The following TSPAN18 variants were observed in gnomAD, a reference collection of about 807,000 sequenced individuals.
TSPAN18 encodes the protein tetraspanin-18.
In TSPAN18, 14 loss-of-function variants were observed where a neutral mutation model predicts 27.3. That is an observed-to-expected ratio of 0.51 (90% CI 0.34 to 0.80). The LOEUF is 0.80. Ranked by LOEUF, TSPAN18 falls within the 30% of genes least tolerant of loss-of-function variation. The pLI is 0.01. For synonymous variants in TSPAN18, 143 were observed against 136.5 expected (o/e 1.05, Z -0.33); for missense variants, 268 against 323.9 (o/e 0.83, Z 1.32).
chr11:44,913,659 G>A (rs913292194), intron 5 of TSPAN18, among the ~76,000 whole-genome samples: 2 of 152,240 alleles, frequency 1.3e-5, no homozygotes, highest in Non-Finnish European at 2.9e-5. Flanking sequence ...TTAGAAATGG[G>A]AACTGTGAGC....
At chr11:44,912,671 A>G (rs1013031672) in intron 5 of TSPAN18, among the ~76,000 whole-genome samples, 3 of 152,052 alleles carry the variant, frequency 2.0e-5, no homozygotes, top group African/African-American at 7.2e-5. Flanking sequence ...TACAGTGTGT[A>G]TGTGCACGTG....
chr11:44,790,152 CATGTGTGTGTGT>C (rs1246566768), intron 2 of TSPAN18, among the ~76,000 whole-genome samples: 1 of 133,020 alleles, frequency 7.5e-6, no homozygotes, highest in African/African-American at 2.8e-5. Flanking sequence ...CGCGTGTGTG[CATGTGTGTGTGT>C]GCATGTGTGT....
chr11:44,744,969 C>T (rs915747523), intron 1 of TSPAN18, among the ~76,000 whole-genome samples: 3 of 151,904 alleles, frequency 2.0e-5, no homozygotes, highest in East Asian at 1.9e-4. Flanking sequence ...CAATTATTGA[C>T]GTCTGTCATG....
In TSPAN18 at chr11:44,766,054, A is replaced by G. The variant is rs146839798; in HGVS notation, c.-153+1542A>G. ...TAGGTGGTTGGGGTGTGCAGATTGT[A>G]AAGTGCTGCACCACTGCCTAATGGC... On this transcript the variant is annotated intron_variant, in intron 2 of 9. Coordinates refer to ENST00000520358, the MANE Select transcript of TSPAN18 (RefSeq NM_130783.5). Among the ~76,000 whole-genome samples, 437 of 152,288 alleles carry G rather than the reference A, an allele frequency of 2.9e-3. 4 individuals carry two copies. Among genetic ancestry groups the G allele is most frequent in the African/African-American group, 8.2e-3 (341 of 41,552 alleles).
intron 2 of TSPAN18, among the ~76,000 whole-genome samples, chr11:44,856,652 CT>C (rs1209306401): frequency 1.3e-5 from 2 of 152,190 alleles, no homozygotes; most frequent in Non-Finnish European, 2.9e-5. Context: ...CTTGGTGCCC[CT>C]GGAATCCCAG....
intron 1 of TSPAN18, among the ~76,000 whole-genome samples, chr11:44,740,467 T>C (rs1009403824): frequency 2.6e-5 from 4 of 152,128 alleles, no homozygotes; most frequent in African/African-American, 9.7e-5. Context: ...GCCAGGGGCA[T>C]GGGGCACCTG....
chr11:44,912,616 G>C (rs1227446645), intron 5 of TSPAN18, among the ~76,000 whole-genome samples: 2 of 152,126 alleles, frequency 1.3e-5, no homozygotes, highest in South Asian at 4.1e-4. Flanking sequence ...TCCTGTGTAT[G>C]TGTATTGTGT....
chr11:44,905,839 G>A (rs1859434033), intron 3 of TSPAN18, among the ~76,000 whole-genome samples: 1 of 152,208 alleles, frequency 6.6e-6, no homozygotes, highest in Non-Finnish European at 1.5e-5. Flanking sequence ...GCAGGTTTTA[G>A]ATCCCCAGGT....
chr11:44,908,528 G>A (rs938270444), intron 4 of TSPAN18, among the ~76,000 whole-genome samples: 3 of 151,732 alleles, frequency 2.0e-5, no homozygotes, highest in African/African-American at 7.3e-5. Context: ...GAGCCCAGGA[G>A]TTTGAGACCA....
chr11:44,872,745 G>A (rs928310917), intron 3 of TSPAN18, among the ~76,000 whole-genome samples: 2 of 152,236 alleles, frequency 1.3e-5, no homozygotes, highest in Admixed American at 6.5e-5. Context: ...CTGAGGCACA[G>A]AGAGGTGAAG....
chr11:44,863,262 G>A (rs1857944554), intron 3 of TSPAN18, among the ~76,000 whole-genome samples: 1 of 152,216 alleles, frequency 6.6e-6, no homozygotes, highest in Admixed American at 6.5e-5. Flanking sequence ...TGAGAGCAAA[G>A]GCCTGGCAGT....
At chr11:44,854,200 TGG>T (rs397848626) in intron 2 of TSPAN18, among the ~76,000 whole-genome samples, 9 of 76,800 alleles carry the variant, frequency 1.2e-4, no homozygotes, top group African/African-American at 3.3e-4. Context: ...GGGCAGGGGG[TGG>T]GGGGGGGGGT....
chr11:44,889,342 C>T (rs1268527936), intron 3 of TSPAN18, among the ~76,000 whole-genome samples: 2 of 152,004 alleles, frequency 1.3e-5, no homozygotes, highest in East Asian at 3.9e-4. Context: ...CACACCCCAG[C>T]CATAGGCTCC....
At chr11:44,867,389 CTTTTTTTT>C (rs71038824) in intron 3 of TSPAN18, among the ~76,000 whole-genome samples, 23 of 60,422 alleles carry the variant, frequency 3.8e-4, no homozygotes, top group African/African-American at 9.4e-4. Flanking sequence ...GTTTATGAAT[CTTTTTTTT>C]TTTTTTTTTT....
intron 2 of TSPAN18, among the ~76,000 whole-genome samples, chr11:44,774,934 A>G (rs1220215387): frequency 1.3e-5 from 2 of 152,224 alleles, no homozygotes; most frequent in African/African-American, 4.8e-5. Flanking sequence ...GTTCACACTC[A>G]GGCATGTGTT....
At position 44,929,400 on chromosome 11, in the gene TSPAN18, C is replaced by T. The variant is rs1236377472; in HGVS notation, c.*222C>T. The T allele has an allele frequency of 1.7e-6, 1 of 604,542 alleles. No homozygotes were observed. The highest frequency in any genetic ancestry group is 2.9e-5 in the East Asian group (1 of 34,662). The allele number at this position is 604,542 out of a possible 1,614,324, so 37.4% of individuals were successfully genotyped here. Reference sequence around the variant, plus strand: ...TCCTCGCCTGGACTCAGGGCAGGTGCCGTGGGTTCTCCAGAGACCCCAGCA... The same window carrying T: ...TCCTCGCCTGGACTCAGGGCAGGTGTCGTGGGTTCTCCAGAGACCCCAGCA... On this transcript the variant is annotated 3_prime_UTR_variant, in exon 10 of 10. Coordinates refer to ENST00000520358, the MANE Select transcript of TSPAN18 (RefSeq NM_130783.5).
chr11:44,911,973 G>T (rs1477926227), intron 5 of TSPAN18, among the ~76,000 whole-genome samples: 1 of 118,708 alleles, frequency 8.4e-6, no homozygotes, highest in African/African-American at 3.4e-5. Context: ...CCTTCTTTCT[G>T]CCTATCTCTG....
In TSPAN18 at chr11:44,917,952, G is replaced by A. The variant is rs1470340326; in HGVS notation, c.259-20G>A. 1.2e-6 allele frequency: 2 copies of A among 1,613,722 alleles called. No homozygotes were observed. Among genetic ancestry groups the A allele is most frequent in the Non-Finnish European group, 1.7e-6 (2 of 1,179,896 alleles). On this transcript the variant is annotated intron_variant, in intron 5 of 9. Coordinates refer to ENST00000520358, the MANE Select transcript of TSPAN18 (RefSeq NM_130783.5). ...CCCTGCCTGCCCTCTGGGCTCACAAGGCTGTTCCTCTCCCTGCAGTTCTTC... is the reference window on the plus strand; with the variant it reads ...CCCTGCCTGCCCTCTGGGCTCACAAAGCTGTTCCTCTCCCTGCAGTTCTTC...
intron 3 of TSPAN18, among the ~76,000 whole-genome samples, chr11:44,898,586 A>G (rs773405852): frequency 2.6e-5 from 4 of 152,260 alleles, no homozygotes; most frequent in African/African-American, 4.8e-5. Flanking sequence ...GGGAAGCCCA[A>G]GGTCAAGCAG....
Sources: allele counts gnomAD v4.1 joint callset (sites outside exome capture counted in the v4.1 genomes callset), GRCh38; gene constraint gnomAD v4.1.1; transcripts MANE v1.5; gene names NCBI Gene and HGNC (gene_info 2026-07-23, HGNC 2026-07-21).